FAM81B: variants seen among roughly 807,000 people sequenced by gnomAD.
FAM81B encodes the protein family with sequence similarity 81 member B.
A neutral mutation model predicts 58.7 loss-of-function variants in FAM81B; 60 were observed. That is an observed-to-expected ratio of 1.02 (90% CI 0.83 to 1.27). The LOEUF (loss-of-function observed/expected upper bound fraction) is 1.27, where lower values mean the gene tolerates loss of function less well. FAM81B is among the 50% of genes most tolerant of loss of function. The pLI, the probability that FAM81B is intolerant of heterozygous loss-of-function variation, is 0.00. For synonymous variants in FAM81B, 189 were observed against 179.6 expected (o/e 1.05, Z -0.42); for missense variants, 491 against 522.0 (o/e 0.94, Z 0.58).
intron 5 of FAM81B, among the ~76,000 whole-genome samples, chr5:95,427,543 C>A (rs947482922): frequency 1.3e-5 from 2 of 152,102 alleles, no homozygotes; most frequent in Non-Finnish European, 2.9e-5. Context: ...TGCCTCAAAT[C>A]TTTTGCACCA....
At chr5:95,410,539 C>T (rs532030675) in intron 3 of FAM81B, among the ~76,000 whole-genome samples, 2 of 152,276 alleles carry the variant, frequency 1.3e-5, no homozygotes, top group East Asian at 3.9e-4. Context: ...GTTATTTTGG[C>T]TCATGCAATG....
intron 6 of FAM81B, among the ~76,000 whole-genome samples, chr5:95,429,789 G>T (rs1369622152): frequency 1.3e-5 from 2 of 152,182 alleles, no homozygotes; most frequent in Non-Finnish European, 2.9e-5. Flanking sequence ...TCTGGTTCCT[G>T]ATTATCCTGG....
intron 7 of FAM81B, among the ~76,000 whole-genome samples, chr5:95,437,446 G>A (rs770131762): frequency 4.3e-4 from 66 of 152,254 alleles, no homozygotes; most frequent in African/African-American, 1.2e-3. Flanking sequence ...CTGGGTTCAC[G>A]CCATTCTCCT....
chr5:95,406,878 T>C (rs1438195589), intron 3 of FAM81B, among the ~76,000 whole-genome samples: 3 of 152,286 alleles, frequency 2.0e-5, no homozygotes, highest in Middle Eastern at 3.4e-3. Context: ...TCACATGAGC[T>C]GTCATATCCC....
chr5:95,410,297 A>G (rs905046958), intron 3 of FAM81B, among the ~76,000 whole-genome samples: 1 of 152,190 alleles, frequency 6.6e-6, no homozygotes, highest in African/African-American at 2.4e-5. Context: ...TGGGCACCTG[A>G]TGACTTCCTC....
intron 9 of FAM81B, 70 bp downstream of exon 9, chr5:95,448,534 T>C: frequency 7.1e-7 from 1 of 1,410,744 alleles, no homozygotes; most frequent in South Asian, 1.5e-5. Context: ...TCTTCCACTT[T>C]GAGCTAATGG....
intron 4 of FAM81B, among the ~76,000 whole-genome samples, chr5:95,419,085 C>T (rs570011775): frequency 6.6e-6 from 1 of 152,102 alleles, no homozygotes; most frequent in Non-Finnish European, 1.5e-5. Context: ...CCTTTCATCA[C>T]TGTCTTTACC....
intron 3 of FAM81B, among the ~76,000 whole-genome samples, chr5:95,404,544 T>G (rs1762196913): frequency 6.6e-6 from 1 of 151,866 alleles, no homozygotes; most frequent in Non-Finnish European, 1.5e-5. Context: ...AGGCTGAGAC[T>G]ATTTTATATT....
chr5:95,411,847 G>A lies in FAM81B; in HGVS notation c.294-2100G>A, dbSNP rs1200282548. Among the ~76,000 whole-genome samples, 6 of 152,228 alleles carry A rather than the reference G, an allele frequency of 3.9e-5. No individual in the cohort carries two copies. In the East Asian group the frequency reaches 1.2e-3, roughly 29 times the overall value. ...AATGTTGTGATAATGCACTTTTGTG[G>A]AGTCAAATTGACAAAATATACATAA... On this transcript the variant is annotated intron_variant, in intron 3 of 9. Transcript: ENST00000283357.
intron 5 of FAM81B, among the ~76,000 whole-genome samples, chr5:95,425,325 G>A (rs1294378852): frequency 1.3e-5 from 2 of 151,994 alleles, no homozygotes; most frequent in Non-Finnish European, 2.9e-5. Context: ...TGAACAATAA[G>A]GATAAAGACT....
intron 2 of FAM81B, among the ~76,000 whole-genome samples, chr5:95,395,603 G>A (rs558514471): frequency 1.3e-5 from 2 of 152,160 alleles, no homozygotes; most frequent in African/African-American, 4.8e-5. Flanking sequence ...GAAGTTGCCA[G>A]TTAAGTGTAC....
intron 7 of FAM81B, among the ~76,000 whole-genome samples, chr5:95,440,973 C>T (rs1397528291): frequency 6.6e-6 from 1 of 152,116 alleles, no homozygotes; most frequent in Non-Finnish European, 1.5e-5. Flanking sequence ...AAAAAGTTTC[C>T]CCGTGCCACA....
rs1761810512 is a variant in FAM81B at position 95,391,393 on chromosome 5, C to CAACTAAGG, written c.6_7insCTAAGGAA (p.Gln4ArgfsTer39). ...AAACAGGAAGACCTTAGTTAGGATG[C>CAACTAAGG]AATTACAATTCCTTGGTACATTGGC... On this transcript the variant is annotated frameshift_variant, in exon 1 of 10. Coordinates refer to ENST00000283357, the MANE Select transcript of FAM81B (RefSeq NM_152548.3). LOFTEE classifies it high-confidence loss of function. 1 of 1,612,254 alleles carries CAACTAAGG rather than the reference C, an allele frequency of 6.2e-7. No homozygotes were observed. The highest frequency in any genetic ancestry group is 1.7e-4 in the Middle Eastern group (1 of 6,046).
At chr5:95,411,570 A>G (rs3906363) in intron 3 of FAM81B, among the ~76,000 whole-genome samples, 41,277 of 152,120 alleles carry the variant, frequency 0.27, 5,838 homozygotes, top group Non-Finnish European at 0.3. Context: ...GTATAAATGC[A>G]TAACACTATG....
chr5:95,393,829 A>G (rs566905293), intron 2 of FAM81B, among the ~76,000 whole-genome samples: 1 of 152,334 alleles, frequency 6.6e-6, no homozygotes, highest in Admixed American at 6.5e-5. Context: ...CCAAAAAGCT[A>G]TAACATTCAA....
intron 7 of FAM81B, among the ~76,000 whole-genome samples, chr5:95,439,242 A>ATATATATATATATATC (rs1745224801): frequency 7.3e-6 from 1 of 136,528 alleles, no homozygotes; most frequent in Non-Finnish European, 1.5e-5. Flanking sequence ...AAGAGTATAT[A>ATATATATATATATATC]TATATATATA....
chr5:95,421,730 A>G (rs1413289559), intron 5 of FAM81B, among the ~76,000 whole-genome samples: 2 of 152,226 alleles, frequency 1.3e-5, no homozygotes, highest in Non-Finnish European at 2.9e-5. Context: ...TCCAGGTGAG[A>G]AGTGGCAGGG....
intron 6 of FAM81B, among the ~76,000 whole-genome samples, chr5:95,431,796 T>C (rs1201504547): frequency 6.6e-6 from 1 of 152,078 alleles, no homozygotes; most frequent in Non-Finnish European, 1.5e-5. Context: ...ACAATATTAA[T>C]TTTATATTCC....
intron 9 of FAM81B, among the ~76,000 whole-genome samples, chr5:95,449,070 T>G (rs1561318477): frequency 6.6e-6 from 1 of 152,252 alleles, no homozygotes; most frequent in Non-Finnish European, 1.5e-5. Flanking sequence ...CCATCTGCCT[T>G]GAGTCATAAT....
Sources: gnomAD v4.1 joint callset for allele counts (sites outside exome capture counted in the v4.1 genomes callset) on GRCh38, gnomAD v4.1.1 for gene constraint, MANE v1.5 for transcripts, NCBI Gene and HGNC (gene_info 2026-07-23, HGNC 2026-07-21) for gene names.